Variants in KAZN observed in about 807,000 individuals in gnomAD.
KAZN encodes the protein kazrin.
In KAZN, 40 loss-of-function variants were observed where a neutral mutation model predicts 87.4. That is an observed-to-expected ratio of 0.46 (90% CI 0.36 to 0.60). KAZN has a LOEUF of 0.60. KAZN is among the 20% of genes least tolerant of loss of function. KAZN has a pLI of 0.00. For synonymous variants in KAZN, 466 were observed against 458.3 expected (o/e 1.02, Z -0.22); for missense variants, 898 against 1,073.9 (o/e 0.84, Z 2.29).
chr1:14,892,868 G>T (rs1267279499), intron 1 of KAZN, among the ~76,000 whole-genome samples: 1 of 151,988 alleles, frequency 6.6e-6, no homozygotes, highest in Non-Finnish European at 1.5e-5. Context: ...CCAGAAGAAA[G>T]GAAAAAAGGA....
chr1:14,315,617 T>C (rs1042120619), intron 2 of KAZN, among the ~76,000 whole-genome samples: 8 of 152,162 alleles, frequency 5.3e-5, no homozygotes, highest in Admixed American at 4.6e-4. Context: ...ACCAAATTTG[T>C]CTTTGTTAGA....
At chr1:13,914,094 C>T (rs1043641470) in intron 1 of KAZN, among the ~76,000 whole-genome samples, 16 of 152,166 alleles carry the variant, frequency 1.1e-4, no homozygotes, top group Admixed American at 2.6e-4. Flanking sequence ...ACTAAAGACG[C>T]GCTGAAGGAA....
chr1:15,103,877 A>T, intron 12 of KAZN, 146 bp from the exon 13 acceptor site: 1 of 758,492 alleles, frequency 1.3e-6, no homozygotes, highest in East Asian at 2.7e-5. Context: ...AAAATTGGGG[A>T]GGGGTTCCTC....
intron 1 of KAZN, among the ~76,000 whole-genome samples, chr1:14,158,253 G>T (rs116409092): frequency 0.029 from 4,395 of 151,968 alleles, 212 homozygotes; most frequent in African/African-American, 0.1. Flanking sequence ...CTCTTTTGGG[G>T]CTATTTTCTA....
At chr1:14,235,975 A>G (rs993953089) in intron 2 of KAZN, among the ~76,000 whole-genome samples, 13 of 152,140 alleles carry the variant, frequency 8.5e-5, no homozygotes, top group African/African-American at 2.4e-4. Flanking sequence ...CTGCTTTTCA[A>G]TGAGCAAAGC....
chr1:14,136,907 G>T (rs1645119891), intron 1 of KAZN, among the ~76,000 whole-genome samples: 1 of 152,142 alleles, frequency 6.6e-6, no homozygotes, highest in African/African-American at 2.4e-5. Context: ...TTTCAGTGGG[G>T]CTGGGGGCTT....
chr1:14,993,832 T>C (rs1192810707), intron 2 of KAZN, among the ~76,000 whole-genome samples: 1 of 152,140 alleles, frequency 6.6e-6, no homozygotes, highest in African/African-American at 2.4e-5. Context: ...AGAGAGAACT[T>C]TGAGCCGTAA....
Position 14,316,207 on chromosome 1 carries a change from G to A in KAZN, c.249+135615G>A, listed in dbSNP as rs915965170. 3.4e-4 allele frequency among the ~76,000 whole-genome samples: 51 copies of A among 151,824 alleles called. 1 individual carries two copies. Among genetic ancestry groups the A allele is most frequent in the African/African-American group, 1.2e-3 (50 of 41,332 alleles). ...AGGTAAAATGTCTGTTTCTTCTCTGGTGAAGTATCTGTTCAAGTCTTTTGC... is the reference window on the plus strand; with the variant it reads ...AGGTAAAATGTCTGTTTCTTCTCTGATGAAGTATCTGTTCAAGTCTTTTGC... On this transcript the variant is annotated intron_variant, in intron 2 of 16. Coordinates refer to the KAZN transcript ENST00000636203.
At chr1:14,661,378 C>G (rs528300682) in intron 1 of KAZN, among the ~76,000 whole-genome samples, 1 of 152,052 alleles carries the variant, frequency 6.6e-6, no homozygotes, top group Admixed American at 6.6e-5. Context: ...GAACATTATT[C>G]TGGGTTAAGA....
At chr1:14,300,261 T>A (rs1654450606) in intron 2 of KAZN, among the ~76,000 whole-genome samples, 1 of 58,788 alleles carries the variant, frequency 1.7e-5, no homozygotes. Context: ...TATGGAAGAA[T>A]TTATTTATTT....
chr1:15,058,934 A>G (rs1230346339), intron 5 of KAZN, among the ~76,000 whole-genome samples: 2 of 152,034 alleles, frequency 1.3e-5, no homozygotes, highest in Non-Finnish European at 2.9e-5. Flanking sequence ...AGGCAGGAGA[A>G]TCACTTGAAC....
rs138279856 is a variant in KAZN, at chr1:14,488,993, C to T, written c.250-109990C>T. Among the ~76,000 whole-genome samples the T allele has an allele frequency of 1.8e-3, 275 of 152,248 alleles. 1 individual carries two copies. Among genetic ancestry groups the T allele is most frequent in the Middle Eastern group, 6.8e-3 (2 of 294 alleles). ...GTAAGGGTGCAGTAAATGTTTATGG[C>T]GATTAACTTAATTGTATTTTCCCTT... On this transcript the variant is annotated intron_variant, in intron 2 of 16. Coordinates refer to the KAZN transcript ENST00000636203.
chr1:13,926,957 A>G (rs1640303820), intron 1 of KAZN, among the ~76,000 whole-genome samples: 1 of 152,232 alleles, frequency 6.6e-6, no homozygotes, highest in Admixed American at 6.5e-5. Flanking sequence ...TGTGTTTTAA[A>G]TATGCATTTG....
intron 1 of KAZN, among the ~76,000 whole-genome samples, chr1:14,606,364 C>A (rs1362909835): frequency 1.3e-5 from 2 of 152,116 alleles, no homozygotes; most frequent in African/African-American, 4.8e-5. Flanking sequence ...ACGGTAAAGT[C>A]TTATGCTTGA....
chr1:14,840,799 G>A (rs564711418), intron 1 of KAZN, among the ~76,000 whole-genome samples: 2 of 152,232 alleles, frequency 1.3e-5, no homozygotes, highest in African/African-American at 2.4e-5. Context: ...TAAACAGAAG[G>A]GTAATTTATT....
chr1:14,800,712 G>A (rs762546172), intron 1 of KAZN, among the ~76,000 whole-genome samples: 224 of 152,250 alleles, frequency 1.5e-3, no homozygotes, highest in Non-Finnish European at 2.7e-3. Flanking sequence ...TCAAAAAAGA[G>A]AATGAAGCAC....
chr1:14,993,898 T>C (rs2101969322), intron 2 of KAZN, among the ~76,000 whole-genome samples: 1 of 152,270 alleles, frequency 6.6e-6, no homozygotes, highest in East Asian at 1.9e-4. Context: ...AGGGTTTCTT[T>C]GGGTGGGCAG....
intron 1 of KAZN, among the ~76,000 whole-genome samples, chr1:14,905,943 C>T (rs545265108): frequency 4.6e-5 from 7 of 150,828 alleles, no homozygotes; most frequent in Non-Finnish European, 7.4e-5. Flanking sequence ...CCAAGGAGGG[C>T]GGATCACGAG....
At chr1:14,747,439 C>T (rs1451037669) in intron 1 of KAZN, among the ~76,000 whole-genome samples, 1 of 152,050 alleles carries the variant, frequency 6.6e-6, no homozygotes, top group Non-Finnish European at 1.5e-5. Flanking sequence ...ACCATGCCTG[C>T]CTAGTTTTTC....
Sources: gnomAD v4.1 joint callset for allele counts (sites outside exome capture counted in the v4.1 genomes callset) on GRCh38, gnomAD v4.1.1 for gene constraint, MANE v1.5 for transcripts, NCBI Gene and HGNC (gene_info 2026-07-23, HGNC 2026-07-21) for gene names.